Variants in STK32B observed in about 807,000 individuals in gnomAD.
The protein encoded by STK32B is serine/threonine kinase 32B.
A neutral mutation model predicts 52.6 loss-of-function variants in STK32B; 43 were observed. The observed-to-expected ratio is 0.82, with a 90% confidence interval of 0.64 to 1.05. STK32B has a LOEUF of 1.05. STK32B is among the 50% of genes least tolerant of loss of function. The probability of loss-of-function intolerance (pLI) is 0.00; values close to 1 mark genes in which losing one functional copy is unlikely to be tolerated. For missense variants in STK32B, 621 were observed against 534.6 expected, an observed-to-expected ratio of 1.16 and a Z score of -1.59; for synonymous variants, 238 against 204.3, an observed-to-expected ratio of 1.17 and a Z score of -1.41.
intron 2 of STK32B, among the ~76,000 whole-genome samples, chr4:5,164,060 T>C (rs750688660): frequency 6.6e-6 from 1 of 152,232 alleles, no homozygotes; most frequent in African/African-American, 2.4e-5. Flanking sequence ...TACAGAGTGT[T>C]TGGCCAGGTT....
At chr4:5,390,800 T>A (rs1281274635) in intron 4 of STK32B, among the ~76,000 whole-genome samples, 1 of 151,934 alleles carries the variant, frequency 6.6e-6, no homozygotes, top group Non-Finnish European at 1.5e-5. Context: ...GTTGGTACAA[T>A]TGGTTCTCCT....
intron 4 of STK32B, among the ~76,000 whole-genome samples, chr4:5,391,924 T>G (rs975794933): frequency 6.6e-6 from 1 of 152,186 alleles, no homozygotes; most frequent in Non-Finnish European, 1.5e-5. Context: ...AGTGTTCACT[T>G]TTCATCTCTG....
chr4:5,042,828 C>T, the STK32B span, among the ~76,000 whole-genome samples: 209 of 152,190 alleles, frequency 1.4e-3, no homozygotes, highest in African/African-American at 4.8e-3. Context: ...CAGCAGGGGC[C>T]GGGCGCGGTG....
intron 3 of STK32B, among the ~76,000 whole-genome samples, chr4:5,322,410 G>A (rs1028584734): frequency 3.3e-5 from 5 of 152,046 alleles, no homozygotes; most frequent in South Asian, 4.1e-4. Flanking sequence ...TGCTACCCTC[G>A]GAGGTCAGAT....
At chr4:5,290,723 T>C (rs1322277577) in intron 3 of STK32B, among the ~76,000 whole-genome samples, 1 of 151,682 alleles carries the variant, frequency 6.6e-6, no homozygotes, top group East Asian at 1.9e-4. Context: ...ACATTTACAC[T>C]GAAAACTATA....
chr4:5,329,484 T>C (rs767244830), intron 3 of STK32B, among the ~76,000 whole-genome samples: 19 of 152,238 alleles, frequency 1.2e-4, no homozygotes, highest in Non-Finnish European at 2.2e-4. Context: ...GGGTAAAGAC[T>C]TTCCCAATTC....
intron 2 of STK32B, among the ~76,000 whole-genome samples, chr4:5,153,950 CAA>C (rs1407415829): frequency 6.6e-6 from 1 of 152,136 alleles, no homozygotes; most frequent in East Asian, 1.9e-4. Flanking sequence ...GTTCTGTAAT[CAA>C]AGTCACAGAA....
At chr4:5,496,020 G>GT (rs1553803459) in intron 11 of STK32B, among the ~76,000 whole-genome samples, 1 of 152,324 alleles carries the variant, frequency 6.6e-6, no homozygotes, top group South Asian at 2.1e-4. Flanking sequence ...CTGCTCGGGG[G>GT]CAGGGGTCAG....
chr4:5,190,868 A>C (rs1721138374), intron 3 of STK32B, among the ~76,000 whole-genome samples: 1 of 152,100 alleles, frequency 6.6e-6, no homozygotes, highest in Admixed American at 6.5e-5. Context: ...TGAGGCTCAG[A>C]GAAGCTAAGT....
At chr4:5,476,151 C>T (rs1718222853) in intron 11 of STK32B, among the ~76,000 whole-genome samples, 1 of 152,074 alleles carries the variant, frequency 6.6e-6, no homozygotes, top group Non-Finnish European at 1.5e-5. Flanking sequence ...CTGCCCACCT[C>T]GGCCTCCCAA....
At chr4:5,445,266 C>T (rs768351395) in intron 6 of STK32B, among the ~76,000 whole-genome samples, 6 of 152,188 alleles carry the variant, frequency 3.9e-5, no homozygotes, top group African/African-American at 9.7e-5. Flanking sequence ...GCCCAGCCAG[C>T]GCCCCCAGGT....
At chr4:5,206,965 T>TTAAA (rs1722612121) in intron 3 of STK32B, among the ~76,000 whole-genome samples, 1 of 152,246 alleles carries the variant, frequency 6.6e-6, no homozygotes, top group Non-Finnish European at 1.5e-5. Flanking sequence ...GTTTCTGAAC[T>TTAAA]GCTTTAGATG....
chr4:5,427,715 C>G (rs1713218854), intron 6 of STK32B, among the ~76,000 whole-genome samples: 1 of 152,092 alleles, frequency 6.6e-6, no homozygotes, highest in Non-Finnish European at 1.5e-5. Context: ...CCCTTATTAT[C>G]CTTTTAATGA....
chr4:5,106,169 G>T (rs1481636353), intron 1 of STK32B, among the ~76,000 whole-genome samples: 1 of 151,996 alleles, frequency 6.6e-6, no homozygotes, highest in African/African-American at 2.4e-5. Context: ...GGGCATGGTG[G>T]TGTGTGCCTG....
At chr4:5,122,027 TTCAC>T (rs1011359806) in intron 1 of STK32B, among the ~76,000 whole-genome samples, 11 of 152,310 alleles carry the variant, frequency 7.2e-5, no homozygotes, top group African/African-American at 1.9e-4. Context: ...TGTCCACCCA[TTCAC>T]TCACTCATTC....
At chr4:5,316,871 TATATAA>T (rs1730906981) in intron 3 of STK32B, among the ~76,000 whole-genome samples, 1 of 12,742 alleles carries the variant, frequency 7.8e-5, no homozygotes, top group Non-Finnish European at 1.0e-4. Context: ...TTATATATTA[TATATAA>T]TATATTATAT....
At chr4:5,100,362 G>A (rs947951765) in intron 1 of STK32B, among the ~76,000 whole-genome samples, 6 of 75,700 alleles carry the variant, frequency 7.9e-5, no homozygotes, top group Admixed American at 5.9e-4. Context: ...CCTCCCCCCA[G>A]CTGCCTTTCT....
intron 11 of STK32B, among the ~76,000 whole-genome samples, chr4:5,491,846 C>T (rs1374242465): frequency 4.6e-5 from 7 of 152,134 alleles, no homozygotes; most frequent in Admixed American, 4.6e-4. Flanking sequence ...ATCCTTTCCC[C>T]ATTGCTTGTT....
chr4:5,140,042 G>C (rs1716314189), intron 2 of STK32B, 82 bp downstream of exon 2: 5 of 1,558,594 alleles, frequency 3.2e-6, no homozygotes, highest in Non-Finnish European at 4.4e-6. Context: ...TGGGCACTGG[G>C]AATGTTCTGT....
Sources: gnomAD v4.1 joint callset for allele counts (sites outside exome capture counted in the v4.1 genomes callset) on GRCh38, gnomAD v4.1.1 for gene constraint, MANE v1.5 for transcripts, NCBI Gene and HGNC (gene_info 2026-07-23, HGNC 2026-07-21) for gene names.